SORBS2: variants seen among roughly 807,000 people sequenced by gnomAD.
SORBS2 encodes the protein sorbin and SH3 domain containing 2.
In SORBS2, 46 loss-of-function variants were observed where a neutral mutation model predicts 97.7. The ratio of observed to expected loss-of-function variants is 0.47; its 90% CI spans 0.37 to 0.60. The LOEUF (loss-of-function observed/expected upper bound fraction) is 0.60. SORBS2 is among the 20% of genes least tolerant of loss of function. The pLI is 0.00. For missense variants in SORBS2, 1,316 were observed against 1,282.3 expected (o/e 1.03, Z -0.40); for synonymous variants, 476 against 473.4 (o/e 1.01, Z -0.07).
At chr4:185,660,403 A>G (rs909051931), upstream of SORBS2, among the ~76,000 whole-genome samples, 5 of 152,170 alleles carry the variant, frequency 3.3e-5, no homozygotes, top group Non-Finnish European at 7.4e-5. Flanking sequence ...ACACCACACT[A>G]TGGGCTGATT....
chr4:185,924,551 C>A (rs2099262581), intron 1 of SORBS2, among the ~76,000 whole-genome samples: 3 of 152,184 alleles, frequency 2.0e-5, no homozygotes, highest in African/African-American at 4.8e-5. Context: ...TCCTGGTGCC[C>A]ACAAGTGCCT....
Position 185,817,945 on chromosome 4 carries a change from T to A in SORBS2, c.-337-42579A>T, listed in dbSNP as rs1024553461. On this transcript the variant is annotated intron_variant, in intron 1 of 20. Transcript: ENST00000284776. The stretch of plus-strand genomic sequence containing the variant: ...AAGATGGGCCCAAGTGATGTATTAA[T>A]ACAATCAGGTACACGTTTTAGGATC... Among the ~76,000 whole-genome samples, 3 of 152,186 alleles carry A rather than the reference T, an allele frequency of 2.0e-5. No homozygotes were observed. The South Asian group carries it at 6.2e-4, about 32-fold the overall frequency.
intron 1 of SORBS2, among the ~76,000 whole-genome samples, chr4:185,848,524 A>C (rs1324360014): frequency 6.6e-6 from 1 of 152,124 alleles, no homozygotes; most frequent in Non-Finnish European, 1.5e-5. Context: ...ACTTTTAAAA[A>C]AGTCTTAGAA....
chr4:185,845,179 A>G (rs2099213870), intron 1 of SORBS2, among the ~76,000 whole-genome samples: 2 of 151,592 alleles, frequency 1.3e-5, no homozygotes, highest in South Asian at 2.1e-4. Flanking sequence ...CCCCCCAGCT[A>G]ATTTTTTATT....
At chr4:185,701,053 G>A (rs574522173) in intron 2 of SORBS2, among the ~76,000 whole-genome samples, 3 of 152,310 alleles carry the variant, frequency 2.0e-5, no homozygotes, top group South Asian at 4.1e-4. Context: ...CTGGCTAAAG[G>A]TAGAAATGAT....
intron 1 of SORBS2, among the ~76,000 whole-genome samples, chr4:185,896,436 T>C (rs1468960307): frequency 2.6e-5 from 4 of 152,074 alleles, no homozygotes; most frequent in Non-Finnish European, 4.4e-5. Context: ...ATGCAAAAAT[T>C]AGCTGGGTTT....
intron 4 of SORBS2, among the ~76,000 whole-genome samples, chr4:185,639,714 G>A (rs986835317): frequency 1.3e-4 from 20 of 152,126 alleles, no homozygotes; most frequent in Non-Finnish European, 1.5e-4. Flanking sequence ...AAAATTCTAA[G>A]AAAAATTATA....
At chr4:185,776,192 G>A (rs11721851) in intron 1 of SORBS2, among the ~76,000 whole-genome samples, 13,886 of 152,254 alleles carry the variant, frequency 0.091, 740 homozygotes, top group South Asian at 0.16. Context: ...ACAGTGGTGG[G>A]CAGAATGAAG....
intron 2 of SORBS2, among the ~76,000 whole-genome samples, chr4:185,712,564 G>A (rs556494372): frequency 1.1e-3 from 167 of 152,344 alleles, no homozygotes; most frequent in African/African-American, 3.9e-3. Context: ...AAGGCAGAGG[G>A]CCCACTAAGC....
intron 2 of SORBS2, among the ~76,000 whole-genome samples, chr4:185,725,875 C>T (rs2098551400): frequency 6.6e-6 from 1 of 152,130 alleles, no homozygotes; most frequent in Non-Finnish European, 1.5e-5. Context: ...CTAAACCAAG[C>T]CCAACACAAC....
chr4:185,824,617 A>G (rs902662003), intron 1 of SORBS2, among the ~76,000 whole-genome samples: 1 of 152,182 alleles, frequency 6.6e-6, no homozygotes, highest in African/African-American at 2.4e-5. Context: ...ACTGAACTCA[A>G]TTCATACATC....
At chr4:185,613,830 A>G (rs10002478) in intron 11 of SORBS2, among the ~76,000 whole-genome samples, 58,296 of 151,768 alleles carry the variant, frequency 0.38, 13,284 homozygotes, top group African/African-American at 0.62. Flanking sequence ...TTCTCATGCT[A>G]GGTGGGGCAG....
At chr4:185,735,291 CA>C (rs2098676144) in intron 2 of SORBS2, among the ~76,000 whole-genome samples, 1 of 151,902 alleles carries the variant, frequency 6.6e-6, no homozygotes, top group South Asian at 2.1e-4. Flanking sequence ...CATGTTTCTG[CA>C]GATACGTCAG....
At chr4:185,721,106 T>TTTTTTTTTG (rs2098510266) in intron 2 of SORBS2, among the ~76,000 whole-genome samples, 1 of 111,832 alleles carries the variant, frequency 8.9e-6, no homozygotes, top group East Asian at 2.6e-4. Context: ...TTTTTTTTTT[T>TTTTTTTTTG]GAGACAGAAT....
chr4:185,856,349 C>A (rs1175613152), intron 1 of SORBS2, among the ~76,000 whole-genome samples: 1 of 152,090 alleles, frequency 6.6e-6, no homozygotes, highest in East Asian at 1.9e-4. Context: ...CATCTGACTG[C>A]CATCCAAAAT....
chr4:185,606,620 T>C lies in SORBS2; in HGVS notation c.2796+5160A>G, dbSNP rs2096426530. 2.0e-6 allele frequency: 2 copies of C among 985,086 alleles called. No individual in the cohort carries two copies. The highest frequency in any genetic ancestry group is 6.2e-5 in the Admixed American group (1 of 16,252). 61.0% of individuals were successfully genotyped at this position (985,086 alleles called of 1,614,324 possible). ...GGTTTTGCTGCATTGCTGTCCTCCTTGGGGGTCCTAGGATCTGTGGGGGTG... is the reference window on the plus strand; with the variant it reads ...GGTTTTGCTGCATTGCTGTCCTCCTCGGGGGTCCTAGGATCTGTGGGGGTG... On this transcript the variant is annotated intron_variant, in intron 12 of 14. Coordinates refer to ENST00000418609, the Ensembl canonical transcript of SORBS2. This position sits in a 1 kb window ranked among gnomAD's most constrained non-coding sequence, Gnocchi z 4.3.
chr4:185,912,456 G>C (rs573471000), intron 1 of SORBS2, among the ~76,000 whole-genome samples: 2 of 151,660 alleles, frequency 1.3e-5, no homozygotes, highest in African/African-American at 4.9e-5. Flanking sequence ...GTGGTGGTGG[G>C]CACCTGTAAT....
At chr4:185,806,871 C>G (rs924987467) in intron 1 of SORBS2, among the ~76,000 whole-genome samples, 1 of 152,084 alleles carries the variant, frequency 6.6e-6, no homozygotes, top group Non-Finnish European at 1.5e-5. Flanking sequence ...TGGAGCCTGA[C>G]GGGTTTATGT....
chr4:185,797,804 C>T (rs1490755335), intron 1 of SORBS2, among the ~76,000 whole-genome samples: 3 of 152,158 alleles, frequency 2.0e-5, no homozygotes, highest in Admixed American at 2.0e-4. Context: ...CCCTACTGTT[C>T]CTACATTCCA....
Sources: allele counts gnomAD v4.1 joint callset (sites outside exome capture counted in the v4.1 genomes callset), GRCh38; gene constraint gnomAD v4.1.1; non-coding constraint Gnocchi (gnomAD v3.1); transcripts MANE v1.5; gene names NCBI Gene and HGNC (gene_info 2026-07-23, HGNC 2026-07-21).